The following PLPP3 variants were observed in gnomAD, a reference collection of about 807,000 sequenced individuals.
The protein encoded by PLPP3 is phospholipid phosphatase 3.
In PLPP3, 6 loss-of-function variants were observed where a neutral mutation model predicts 29.6. The observed-to-expected ratio is 0.20, with a 90% CI of 0.11 to 0.40. The LOEUF (loss-of-function observed/expected upper bound fraction) is 0.40. Ranked by LOEUF, PLPP3 falls within the 10% of genes least tolerant of loss-of-function variation. PLPP3 has a pLI of 1.00. For missense variants in PLPP3, 308 were observed against 407.7 expected (o/e 0.76, Z 2.11); for synonymous variants, 152 against 159.7 (o/e 0.95, Z 0.36).
rs1646085318 is a variant in PLPP3, at chr1:56,557,026, A to AGAGAGAGAAAGAAAG, written c.140-19915_140-19914insCTTTCTTTCTCTCTC. 2.1e-4 allele frequency among the ~76,000 whole-genome samples: 2 copies of AGAGAGAGAAAGAAAG among 9,524 alleles called. 1 individual carries two copies. The highest frequency in any genetic ancestry group is 5.0e-4 in the African/African-American group (2 of 4,020). The allele number at this position is 9,524 out of a possible 152,430, so 6.2% of individuals were successfully genotyped here. A position where few individuals can be genotyped will look rare whatever the true frequency, so the allele number is the denominator to read the frequency against. ...AGAAAGAAAGAGAGAGAGAGAGAGA[A>AGAGAGAGAAAGAAAG]AGAGAGAGAGAGAGAGAGAGAGAGA... On this transcript the variant is annotated intron_variant, in intron 1 of 5. Transcript: ENST00000371250.
In PLPP3 at chr1:56,509,154, A is replaced by G. The variant is rs552948093; in HGVS notation, c.810+2822T>C. Among the ~76,000 whole-genome samples, 3 of 152,344 alleles carry G rather than the reference A, an allele frequency of 2.0e-5. No individual in the cohort carries two copies. The East Asian group carries it at 5.8e-4, about 29-fold the overall frequency. On this transcript the variant is annotated intron_variant, in intron 5 of 5. Transcript: ENST00000371250. ...TGGAGAAAAATGATAGGTAAGATTG[A>G]GTCCCTGTTCTTGCATGTTCACAGG...
At chr1:56,531,739 C>A (rs1645890134) in intron 2 of PLPP3, among the ~76,000 whole-genome samples, 1 of 152,186 alleles carries the variant, frequency 6.6e-6, no homozygotes, top group African/African-American at 2.4e-5. Flanking sequence ...TTCGTGTTCC[C>A]CCATTCACTA....
At chr1:56,498,477 C>A (rs564295504) in intron 5 of PLPP3, among the ~76,000 whole-genome samples, 1 of 152,298 alleles carries the variant, frequency 6.6e-6, no homozygotes, top group African/African-American at 2.4e-5. Flanking sequence ...TTTCCCTTAT[C>A]TCCCCCAGTG....
intron 1 of PLPP3, among the ~76,000 whole-genome samples, chr1:56,556,010 A>G (rs574957120): frequency 6.6e-6 from 1 of 152,222 alleles, no homozygotes; most frequent in Non-Finnish European, 1.5e-5. Context: ...ATGAGTAGGA[A>G]ACAGGATGTG....
intron 5 of PLPP3, among the ~76,000 whole-genome samples, chr1:56,500,990 C>T (rs1362361552): frequency 6.1e-5 from 7 of 114,302 alleles, no homozygotes; most frequent in African/African-American, 1.0e-4. Flanking sequence ...GGCGAGACAG[C>T]GAGACTCTGT....
rs1553139372 is a variant in PLPP3 at position 56,557,056 on chromosome 1, G to GAGAGAA, written c.140-19945_140-19944insTTCTCT. Among the ~76,000 whole-genome samples the GAGAGAA allele has an allele frequency of 9.9e-4, 9 of 9,136 alleles. 3 individuals carry two copies. The highest frequency in any genetic ancestry group is 1.8e-3 in the African/African-American group (8 of 4,390). The allele number at this position is 9,136 out of a possible 152,430, so 6.0% of individuals were successfully genotyped here. On this transcript the variant is annotated intron_variant, in intron 1 of 5. Transcript: ENST00000371250. Reference sequence around the variant, plus strand: ...AGAGAGAGAGAGAGAGAGAGAGAGAGAGAAAGAAAGAAAGAAAGAAAAAAT... The same window carrying GAGAGAA: ...AGAGAGAGAGAGAGAGAGAGAGAGAGAGAGAAAGAAAGAAAGAAAGAAAGAAAAAAT...
chr1:56,524,144 G>A lies in PLPP3; in HGVS notation c.575+133C>T. The A allele has an allele frequency of 9.1e-7, 1 of 1,102,334 alleles. No individual in the cohort carries two copies. The highest frequency in any genetic ancestry group is 1.3e-6 in the Non-Finnish European group (1 of 762,422). 68.3% of individuals were successfully genotyped at this position (1,102,334 alleles called of 1,614,324 possible). ...ATTTACATATCTGTCTCAATCATCT[G>A]ACTGTGAGTTCCTCAAGAATAGGAA... On this transcript the variant is annotated intron_variant, in intron 3 of 5. Coordinates refer to ENST00000371250, the MANE Select transcript of PLPP3 (RefSeq NM_003713.5). The surrounding 1 kb of genome is among the most constrained non-coding windows in gnomAD (Gnocchi z 4.3).
chr1:56,495,112 CTT>C lies in PLPP3; in HGVS notation c.*1437_*1438del, dbSNP rs1448391482. On this transcript the variant is annotated 3_prime_UTR_variant, in exon 6 of 6. Coordinates refer to ENST00000371250, the MANE Select transcript of PLPP3 (RefSeq NM_003713.5). ...CAGAAATAATATCTTACATAGTTAA[CTT>C]TTAATGTTTTATACATTATTTATAT... 1 of 152,134 alleles carries C rather than the reference CTT, an allele frequency of 6.6e-6. No homozygotes were observed. Among genetic ancestry groups the C allele is most frequent in the African/African-American group, 2.4e-5 (1 of 41,346 alleles). The allele number at this position is 152,134 out of a possible 1,614,324, so 9.4% of individuals were successfully genotyped here.
Position 56,496,462 on chromosome 1 carries a change from T to C in PLPP3, c.*89A>G. 1 of 1,450,436 alleles carries C rather than the reference T, an allele frequency of 6.9e-7. No homozygotes were observed. The highest frequency in any genetic ancestry group is 9.3e-7 in the Non-Finnish European group (1 of 1,073,490). The allele number at this position is 1,450,436 out of a possible 1,614,324, so 89.8% of individuals were successfully genotyped here. A position where few individuals can be genotyped will look rare whatever the true frequency, so the allele number is the denominator to read the frequency against. On this transcript the variant is annotated 3_prime_UTR_variant, in exon 6 of 6. Coordinates refer to ENST00000371250, the MANE Select transcript of PLPP3 (RefSeq NM_003713.5). ...AATCAGTCGGGCAAAAGTTTTTCCC[T>C]ACATTCTACTGTCTGATGAGATTGG...
intron 2 of PLPP3, among the ~76,000 whole-genome samples, chr1:56,531,515 A>G (rs1450042505): frequency 6.6e-6 from 1 of 152,088 alleles, no homozygotes; most frequent in East Asian, 1.9e-4. Flanking sequence ...ATCTCTACAA[A>G]CCATTGATGC....
At chr1:56,513,801 A>G (rs1022699121) in intron 4 of PLPP3, 3 of 131,514 alleles carry the variant, frequency 2.3e-5, no homozygotes, top group Non-Finnish European at 5.2e-5. Flanking sequence ...TTTCTCATAT[A>G]TAAATAATAA....
At position 56,495,152 on chromosome 1, in the gene PLPP3, T is replaced by G. The variant is rs573673447; in HGVS notation, c.*1399A>C. On this transcript the variant is annotated 3_prime_UTR_variant, in exon 6 of 6. Transcript: ENST00000371250. ...ACATTATTTATATAATATTTATATA[T>G]AAAAATCATAGCTTGCTATAAGTTG... The G allele has an allele frequency of 6.6e-6, 1 of 152,252 alleles. No homozygotes were observed. The highest frequency in any genetic ancestry group is 1.5e-5 in the Non-Finnish European group (1 of 68,006). The allele number at this position is 152,252 out of a possible 1,614,324, so 9.4% of individuals were successfully genotyped here. A position where few individuals can be genotyped will look rare whatever the true frequency, so the allele number is the denominator to read the frequency against.
chr1:56,567,392 T>TC (rs1646167648), intron 1 of PLPP3, among the ~76,000 whole-genome samples: 1 of 144,968 alleles, frequency 6.9e-6, no homozygotes. Context: ...TTAAGGTATT[T>TC]CTTTTTTTTT....
chr1:56,508,159 G>C (rs1645716486), intron 5 of PLPP3, among the ~76,000 whole-genome samples: 1 of 152,224 alleles, frequency 6.6e-6, no homozygotes, highest in Non-Finnish European at 1.5e-5. Context: ...TCAGAGATGA[G>C]GTGACACTGG....
chr1:56,562,647 T>C (rs1331368096), intron 1 of PLPP3, among the ~76,000 whole-genome samples: 2 of 152,170 alleles, frequency 1.3e-5, no homozygotes, highest in Non-Finnish European at 1.5e-5. Context: ...ATTTTATCAT[T>C]CACAAAATAG....
At chr1:56,541,479 G>T (rs1458234823) in intron 1 of PLPP3, among the ~76,000 whole-genome samples, 5 of 152,138 alleles carry the variant, frequency 3.3e-5, no homozygotes, top group African/African-American at 1.2e-4. Context: ...AAACCTGGCT[G>T]CCTACCACAG....
At chr1:56,519,750 T>G (rs114713746) in intron 4 of PLPP3, among the ~76,000 whole-genome samples, 5,160 of 152,056 alleles carry the variant, frequency 0.034, 76 homozygotes, top group South Asian at 0.087. Flanking sequence ...GGGTTTGTTT[T>G]TTTTTTTTTA....
intron 5 of PLPP3, among the ~76,000 whole-genome samples, chr1:56,502,935 CT>C (rs1165182555): frequency 2.0e-5 from 3 of 152,152 alleles, no homozygotes; most frequent in African/African-American, 7.2e-5. Context: ...CTGGGATTTC[CT>C]TTTAGCTTTC....
chr1:56,499,849 A>G (rs750940690), intron 5 of PLPP3, among the ~76,000 whole-genome samples: 16 of 152,190 alleles, frequency 1.1e-4, no homozygotes, highest in Non-Finnish European at 1.8e-4. Flanking sequence ...CCTACAGAAG[A>G]TGATCTCCAC....
Sources: allele counts gnomAD v4.1 joint callset (sites outside exome capture counted in the v4.1 genomes callset), GRCh38; gene constraint gnomAD v4.1.1; non-coding constraint Gnocchi (gnomAD v3.1); transcripts MANE v1.5; gene names NCBI Gene and HGNC (gene_info 2026-07-23, HGNC 2026-07-21).